Variants in NCALD observed in about 807,000 individuals in gnomAD.
NCALD encodes neurocalcin delta.
In NCALD, 10 loss-of-function variants were observed where a neutral mutation model predicts 18.6. That is an observed-to-expected ratio of 0.54 (90% CI 0.33 to 0.91). The LOEUF (loss-of-function observed/expected upper bound fraction) is 0.91. Ranked by LOEUF, NCALD falls within the 40% of genes least tolerant of loss-of-function variation. NCALD has a pLI of 0.03. For synonymous variants in NCALD, 88 were observed against 87.4 expected, an observed-to-expected ratio of 1.01 and a Z score of -0.04; for missense variants, 184 against 247.6, an observed-to-expected ratio of 0.74 and a Z score of 1.72.
chr8:101,892,987 C>A (rs1023373706), intron 3 of NCALD, among the ~76,000 whole-genome samples: 14 of 148,928 alleles, frequency 9.4e-5, no homozygotes, highest in Admixed American at 9.3e-4. Context: ...GGCAGGCCAA[C>A]ATTCAGATTC....
intron 3 of NCALD, among the ~76,000 whole-genome samples, chr8:101,896,386 A>G (rs1054840050): frequency 1.2e-3 from 181 of 152,250 alleles, no homozygotes; most frequent in African/African-American, 4.1e-3. Flanking sequence ...AAAGATTTAA[A>G]CGTTAGACCT....
intron 1 of NCALD, among the ~76,000 whole-genome samples, chr8:102,033,856 C>T (rs1822767140): frequency 6.6e-6 from 1 of 152,054 alleles, no homozygotes; most frequent in African/African-American, 2.4e-5. Flanking sequence ...AGATTTGCAT[C>T]AGCCCTTCAG....
chr8:101,696,569 T>C (rs888107858), intron 2 of NCALD, among the ~76,000 whole-genome samples: 3 of 152,152 alleles, frequency 2.0e-5, no homozygotes, highest in African/African-American at 7.2e-5. Context: ...CAGTACACAA[T>C]GTGGCTCTAG....
At chr8:101,712,587 C>CAAAAAAAAAGAAAAAAA (rs1815852439) in intron 2 of NCALD, among the ~76,000 whole-genome samples, 1 of 78,904 alleles carries the variant, frequency 1.3e-5, no homozygotes, top group Non-Finnish European at 2.5e-5. Flanking sequence ...AAATGGAAAG[C>CAAAAAAAAAGAAAAAAA]AAAAAAAAAA....
At position 102,092,012 on chromosome 8, in the gene NCALD, C is replaced by T. The variant is rs369502731; in HGVS notation, c.-210+32225G>A. ...GGGTCTGGGTAAAATGAGGCTGAGA[C>T]GTACTGGGCTGCAATCCCAGACTGT... On this transcript the variant is annotated intron_variant, in intron 1 of 6. Coordinates refer to the NCALD transcript ENST00000311028. 3.9e-4 allele frequency among the ~76,000 whole-genome samples: 60 copies of T among 152,264 alleles called. No homozygotes were observed. The South Asian group carries it at 7.1e-3, about 18-fold the overall frequency.
At chr8:101,868,828 C>T (rs1257247726) in intron 4 of NCALD, among the ~76,000 whole-genome samples, 1 of 152,244 alleles carries the variant, frequency 6.6e-6, no homozygotes, top group African/African-American at 2.4e-5. Flanking sequence ...ATGGCCCGCT[C>T]CCACTCTGTG....
intron 1 of NCALD, among the ~76,000 whole-genome samples, chr8:102,104,180 C>A (rs1471617985): frequency 6.6e-6 from 1 of 152,136 alleles, no homozygotes; most frequent in African/African-American, 2.4e-5. Flanking sequence ...TAGTTAAAAA[C>A]CAAGCAATTA....
intron 1 of NCALD, among the ~76,000 whole-genome samples, chr8:102,105,606 A>C (rs555851273): frequency 3.9e-5 from 6 of 152,322 alleles, no homozygotes; most frequent in African/African-American, 1.4e-4. Context: ...GAAACAAGAT[A>C]GGACAGAAGA....
At chr8:102,012,969 T>A (rs73697417) in intron 2 of NCALD, among the ~76,000 whole-genome samples, 99 of 152,218 alleles carry the variant, frequency 6.5e-4, no homozygotes, top group African/African-American at 2.3e-3. Context: ...TCAGATATTT[T>A]TATATATACA....
At chr8:101,768,238 T>A (rs1811430321) in intron 1 of NCALD, among the ~76,000 whole-genome samples, 1 of 152,216 alleles carries the variant, frequency 6.6e-6, no homozygotes, top group Admixed American at 6.5e-5. Context: ...GTCAGTCTAG[T>A]GCCCACCAGA....
At chr8:101,797,918 T>TA (rs942524495) in intron 4 of NCALD, among the ~76,000 whole-genome samples, 27 of 151,360 alleles carry the variant, frequency 1.8e-4, no homozygotes, top group African/African-American at 4.4e-4. Flanking sequence ...CATGGGACTA[T>TA]AAAAAAAAAT....
chr8:101,733,916 G>A (rs192510242), intron 1 of NCALD, among the ~76,000 whole-genome samples: 1 of 152,302 alleles, frequency 6.6e-6, no homozygotes, highest in East Asian at 1.9e-4. Context: ...TGAGCTGAAG[G>A]CTGCTTTTTG....
chr8:101,903,221 G>T (rs514057), intron 3 of NCALD, among the ~76,000 whole-genome samples: 1 of 144,382 alleles, frequency 6.9e-6, no homozygotes, highest in Non-Finnish European at 1.5e-5. Context: ...TTTTTGAGAT[G>T]GAGTCTCACT....
At chr8:102,068,249 CCCT>C (rs1196072796) in intron 1 of NCALD, among the ~76,000 whole-genome samples, 1 of 152,164 alleles carries the variant, frequency 6.6e-6, no homozygotes, top group African/African-American at 2.4e-5. Flanking sequence ...CCCCACTTAA[CCCT>C]CCTTGGCTGC....
intron 1 of NCALD, among the ~76,000 whole-genome samples, chr8:102,074,318 T>C (rs1410641721): frequency 6.6e-6 from 1 of 152,194 alleles, no homozygotes; most frequent in Non-Finnish European, 1.5e-5. Flanking sequence ...GAGGGTTGGT[T>C]AAGCTATCAA....
chr8:101,927,516 G>A (rs1367197245), intron 2 of NCALD, among the ~76,000 whole-genome samples: 3 of 152,156 alleles, frequency 2.0e-5, no homozygotes, highest in African/African-American at 4.8e-5. Flanking sequence ...AGCCAACCTC[G>A]CCAAGAGTCA....
At chr8:101,938,393 C>T (rs566815580) in intron 2 of NCALD, among the ~76,000 whole-genome samples, 3 of 152,296 alleles carry the variant, frequency 2.0e-5, no homozygotes, top group Non-Finnish European at 2.9e-5. Context: ...AAGTCCTCCA[C>T]GGTTACATAG....
chr8:102,069,675 C>T (rs1234201912), intron 1 of NCALD, among the ~76,000 whole-genome samples: 1 of 152,298 alleles, frequency 6.6e-6, no homozygotes, highest in East Asian at 1.9e-4. Flanking sequence ...TGTGTGCACA[C>T]ACACACAGAA....
At chr8:101,869,736 T>C (rs531979318) in intron 4 of NCALD, among the ~76,000 whole-genome samples, 1 of 152,320 alleles carries the variant, frequency 6.6e-6, no homozygotes, top group East Asian at 1.9e-4. Flanking sequence ...AGTCTACACA[T>C]GTATACTAAT....
Sources: gnomAD v4.1 joint callset for allele counts (sites outside exome capture counted in the v4.1 genomes callset) on GRCh38, gnomAD v4.1.1 for gene constraint, MANE v1.5 for transcripts, NCBI Gene and HGNC (gene_info 2026-07-23, HGNC 2026-07-21) for gene names.